Variants in PPP1R9A observed in about 807,000 individuals in gnomAD.
PPP1R9A encodes protein phosphatase 1 regulatory subunit 9A.
A neutral mutation model predicts 141.9 loss-of-function variants in PPP1R9A; 59 were observed. The observed-to-expected ratio is 0.42, with a 90% CI of 0.34 to 0.52. The LOEUF is 0.52. PPP1R9A is among the 20% of genes least tolerant of loss of function. PPP1R9A has a pLI of 0.10. For synonymous variants in PPP1R9A, 500 were observed against 569.7 expected, an observed-to-expected ratio of 0.88 and a Z score of 1.74; for missense variants, 1,444 against 1,611.9, an observed-to-expected ratio of 0.90 and a Z score of 1.78.
chr7:95,085,720 A>G (rs1816537019), intron 2 of PPP1R9A, among the ~76,000 whole-genome samples: 1 of 151,962 alleles, frequency 6.6e-6, no homozygotes, highest in Admixed American at 6.6e-5. Flanking sequence ...CAGCCCAAAA[A>G]TACATTGTGA....
Position 95,203,729 on chromosome 7 carries a change from A to T in PPP1R9A, c.1955A>T (p.Lys652Met), listed in dbSNP as rs2152879373. The change falls in exon 7 of 20, where the codon AAG becomes ATG. Residue 652 changes from lysine (K) to methionine (M), a missense_variant and splice_region_variant. Around this residue, in one of 5 missense-constraint regions of PPP1R9A, gnomAD observed 488 missense variants for 542.0 expected, o/e 0.90. Transcript: ENST00000433360. ...AATAACAATAACAACTATTTTCTTA[A>T]GGTTTGTTTTTTGGTTTAAAGTAAT... ...NCNNNNNYFLKTGEYATDEEE... is the reference protein window; with the variant it reads ...NCNNNNNYFLMTGEYATDEEE... 1.3e-6 allele frequency: 2 copies of T among 1,534,960 alleles called. No individual in the cohort carries two copies. Among genetic ancestry groups the T allele is most frequent in the Non-Finnish European group, 1.7e-6 (2 of 1,145,270 alleles).
chr7:95,218,214 C>T (rs888867054), intron 7 of PPP1R9A, among the ~76,000 whole-genome samples: 2 of 152,120 alleles, frequency 1.3e-5, no homozygotes, highest in South Asian at 4.1e-4. Flanking sequence ...TCTGCCTTCA[C>T]TTCCTTACGT....
intron 4 of PPP1R9A, among the ~76,000 whole-genome samples, chr7:95,121,459 G>GTCTGTCTATCTATCTA (rs1268112373): frequency 8.0e-5 from 4 of 50,302 alleles, no homozygotes; most frequent in Admixed American, 1.7e-4. Flanking sequence ...CTGTCTGTCT[G>GTCTGTCTATCTATCTA]TCTATCTATC....
chr7:95,290,092 C>T lies in PPP1R9A; in HGVS notation c.3914C>T (p.Ala1305Val), dbSNP rs754321207. 1.2e-6 allele frequency: 2 copies of T among 1,613,152 alleles called. No homozygotes were observed. Among genetic ancestry groups the T allele is most frequent in the Admixed American group, 3.3e-5 (2 of 59,738 alleles). ...TTTGTGTGTGTGTTTCTTTCTTAGG[C>T]TCTTGGAATGACAGCATCCCAGGAC... ...LLQLDGNKLK[A>V]LGMTASQDRA... Residue 1305 changes from alanine to valine, a missense_variant and splice_region_variant, in exon 20 of 20, where the codon GCT (alanine) becomes GTT (valine). Around this residue, in one of 5 missense-constraint regions of PPP1R9A, gnomAD observed 459 missense variants for 513.8 expected, o/e 0.89. Transcript: ENST00000433360.
intron 7 of PPP1R9A, among the ~76,000 whole-genome samples, chr7:95,215,115 TC>T (rs1793030659): frequency 2.1e-5 from 2 of 96,366 alleles, no homozygotes; most frequent in African/African-American, 8.0e-5. Flanking sequence ...ATGCTTTCCC[TC>T]CCCCCTCCCC....
chr7:95,223,527 C>CT (rs1435944756), intron 7 of PPP1R9A, among the ~76,000 whole-genome samples: 1 of 151,910 alleles, frequency 6.6e-6, no homozygotes, highest in Non-Finnish European at 1.5e-5. Flanking sequence ...TGGATTTATT[C>CT]TTTTAAAAAT....
chr7:95,286,452 A>G, intron 18 of PPP1R9A, 127 bp downstream of exon 18: 2 of 1,405,564 alleles, frequency 1.4e-6, no homozygotes, highest in Non-Finnish European at 9.4e-7. Context: ...TTTATGTTTA[A>G]TTTGAAGTCT....
At chr7:95,212,792 A>C (rs1792411122) in intron 7 of PPP1R9A, among the ~76,000 whole-genome samples, 1 of 152,204 alleles carries the variant, frequency 6.6e-6, no homozygotes, top group Admixed American at 6.5e-5. Context: ...AGGTCAATAC[A>C]GAAGCTTAAG....
intron 16 of PPP1R9A, among the ~76,000 whole-genome samples, chr7:95,283,390 C>T (rs894845324): frequency 2.6e-5 from 4 of 152,012 alleles, no homozygotes; most frequent in African/African-American, 9.7e-5. Flanking sequence ...AACTAAAAGC[C>T]GAGAGAAGGC....
intron 8 of PPP1R9A, among the ~76,000 whole-genome samples, chr7:95,226,487 T>C (rs986070034): frequency 1.2e-4 from 18 of 152,288 alleles, no homozygotes; most frequent in African/African-American, 4.1e-4. Context: ...GTTCATGAAA[T>C]AGGTTTCTAA....
chr7:95,140,682 C>G (rs1276059754), intron 4 of PPP1R9A, among the ~76,000 whole-genome samples: 2 of 152,188 alleles, frequency 1.3e-5, no homozygotes, highest in Non-Finnish European at 2.9e-5. Flanking sequence ...TGACCCACCA[C>G]AACTGGCCAG....
At chr7:95,288,931 G>C (rs1000324411) in intron 19 of PPP1R9A, among the ~76,000 whole-genome samples, 1 of 152,150 alleles carries the variant, frequency 6.6e-6, no homozygotes, top group African/African-American at 2.4e-5. Context: ...CTGCTGATTA[G>C]GAGAGTGAGG....
intron 8 of PPP1R9A, among the ~76,000 whole-genome samples, chr7:95,237,180 T>TATATA (rs369840738): frequency 3.1e-4 from 41 of 133,304 alleles, no homozygotes; most frequent in Admixed American, 1.7e-3. Flanking sequence ...TATATATATA[T>TATATA]TTTTTTTTTT....
At chr7:95,058,730 G>T (rs917152698) in intron 2 of PPP1R9A, among the ~76,000 whole-genome samples, 2 of 152,064 alleles carry the variant, frequency 1.3e-5, no homozygotes, top group African/African-American at 4.8e-5. Context: ...GGGATCGGGG[G>T]TGGAGCGGGG....
intron 12 of PPP1R9A, among the ~76,000 whole-genome samples, chr7:95,261,755 T>C (rs1202587513): frequency 6.6e-6 from 1 of 152,210 alleles, no homozygotes; most frequent in African/African-American, 2.4e-5. Flanking sequence ...ACAAATTTGA[T>C]ATATTCCATT....
chr7:95,269,251 T>C lies in PPP1R9A; in HGVS notation c.2868T>C (p.Leu956=), dbSNP rs1050403087. 3.8e-6 allele frequency: 6 copies of C among 1,566,396 alleles called. No homozygotes were observed. Among genetic ancestry groups the C allele is most frequent in the Non-Finnish European group, 5.2e-6 (6 of 1,150,544 alleles). Residue 956 remains leucine (L), a synonymous_variant, in exon 14 of 20, where the codon CTT becomes CTC. Transcript: ENST00000433360. ...FYNHMHITKL[L]PPKGLRTSSP... is the part of the protein sequence containing the mutation. ...ACCACATGCATATTACCAAATTACT[T>C]CCACCTAAGGGTTTGAGAACGTCTT... is the stretch of plus-strand genomic sequence containing the variant.
chr7:94,920,974 G>GT (rs140371692), intron 2 of PPP1R9A, among the ~76,000 whole-genome samples: 6,401 of 152,126 alleles, frequency 0.042, 185 homozygotes, highest in Non-Finnish European at 0.066. Flanking sequence ...TTAAAAATAT[G>GT]TAAGTATACA....
intron 2 of PPP1R9A, among the ~76,000 whole-genome samples, chr7:94,979,645 G>A (rs1799853934): frequency 6.6e-6 from 1 of 152,202 alleles, no homozygotes; most frequent in Non-Finnish European, 1.5e-5. Flanking sequence ...AATACCCAAT[G>A]AGGCAAGTGT....
intron 14 of PPP1R9A, among the ~76,000 whole-genome samples, chr7:95,271,556 G>GCGC (rs1249156992): frequency 6.6e-6 from 1 of 152,184 alleles, no homozygotes; most frequent in Non-Finnish European, 1.5e-5. Flanking sequence ...GAGGTCATGA[G>GCGC]CGCAAGAGAG....
Sources: allele counts gnomAD v4.1 joint callset (sites outside exome capture counted in the v4.1 genomes callset), GRCh38; gene constraint gnomAD v4.1.1; regional missense constraint gnomAD v4.1.1; transcripts MANE v1.5; gene names NCBI Gene and HGNC (gene_info 2026-07-23, HGNC 2026-07-21).